Variants in TNFSF4 observed in about 807,000 individuals in gnomAD.
TNFSF4 encodes the protein tumor necrosis factor ligand superfamily member 4.
In TNFSF4, 4 loss-of-function variants were observed where a neutral mutation model predicts 7.3. The observed-to-expected ratio is 0.55, with a 90% confidence interval of 0.27 to 1.25. The LOEUF is 1.25. Ranked by LOEUF, TNFSF4 falls within the 50% of genes most tolerant of loss-of-function variation. The pLI is 0.12. For synonymous variants in TNFSF4, 76 were observed against 83.7 expected, an observed-to-expected ratio of 0.91 and a Z score of 0.50; for missense variants, 181 against 208.8, an observed-to-expected ratio of 0.87 and a Z score of 0.82.
chr1:173,217,853 G>A, the TNFSF4 span, among the ~76,000 whole-genome samples: 16 of 151,918 alleles, frequency 1.1e-4, no homozygotes, highest in Non-Finnish European at 1.6e-4. Flanking sequence ...GGGCTTAAGC[G>A]TCCTCCCACC....
At chr1:173,205,408 C>T in intron 1 of TNFSF4, 17 of 1,604,536 alleles carry the variant, frequency 1.1e-5, no homozygotes, top group Non-Finnish European at 1.4e-5. Context: ...AAAGGATCCC[C>T]TCTTTTTCTC....
At chr1:173,334,565 C>A in the TNFSF4 span, among the ~76,000 whole-genome samples, 2 of 152,130 alleles carry the variant, frequency 1.3e-5, no homozygotes, top group Non-Finnish European at 2.9e-5. Context: ...TGAATTACAA[C>A]ACAAGTTGAA....
chr1:173,400,765 A>T, the TNFSF4 span, among the ~76,000 whole-genome samples: 254 of 152,368 alleles, frequency 1.7e-3, 2 homozygotes, highest in South Asian at 0.013. Flanking sequence ...TGATTAGGTC[A>T]GTGGAAAACT....
At chr1:173,250,042 C>T in the TNFSF4 span, among the ~76,000 whole-genome samples, 3 of 152,102 alleles carry the variant, frequency 2.0e-5, no homozygotes, top group Non-Finnish European at 4.4e-5. Context: ...GTTCCTGAAC[C>T]TCTTAAATCT....
chr1:173,433,497 C>T, the TNFSF4 span, among the ~76,000 whole-genome samples: 1 of 151,798 alleles, frequency 6.6e-6, no homozygotes, highest in African/African-American at 2.4e-5. Context: ...GAGTTCCAAA[C>T]CAGCCTGGGC....
chr1:173,406,808 G>T, the TNFSF4 span, among the ~76,000 whole-genome samples: 1 of 152,144 alleles, frequency 6.6e-6, no homozygotes, highest in African/African-American at 2.4e-5. Flanking sequence ...GATCAAAGTA[G>T]CTGGGACCTG....
chr1:173,422,314 G>C, the TNFSF4 span, among the ~76,000 whole-genome samples: 1 of 132,458 alleles, frequency 7.5e-6, no homozygotes, highest in East Asian at 2.1e-4. Flanking sequence ...AAGGAATGGT[G>C]GTGCCCAGAG....
At chr1:173,356,323 G>T in the TNFSF4 span, among the ~76,000 whole-genome samples, 3 of 152,136 alleles carry the variant, frequency 2.0e-5, no homozygotes, top group Admixed American at 6.5e-5. Flanking sequence ...ATGAGAAGGG[G>T]TATTAGAATA....
At chr1:173,404,730 C>T in the TNFSF4 span, among the ~76,000 whole-genome samples, 1 of 151,746 alleles carries the variant, frequency 6.6e-6, no homozygotes, top group Non-Finnish European at 1.5e-5. Flanking sequence ...CTCCCAGGTT[C>T]AAGCAATTCT....
the TNFSF4 span, among the ~76,000 whole-genome samples, chr1:173,334,037 TATTA>T: frequency 1.3e-5 from 2 of 152,070 alleles, no homozygotes; most frequent in Non-Finnish European, 2.9e-5. Flanking sequence ...GCAAAATTTC[TATTA>T]ATTAATTAAT....
the TNFSF4 span, among the ~76,000 whole-genome samples, chr1:173,386,174 C>T: frequency 6.6e-6 from 1 of 152,188 alleles, no homozygotes; most frequent in African/African-American, 2.4e-5. Flanking sequence ...GGCCTTGGGG[C>T]TCATGCCCAG....
chr1:173,324,291 T>C, the TNFSF4 span, among the ~76,000 whole-genome samples: 4 of 152,110 alleles, frequency 2.6e-5, no homozygotes, highest in Non-Finnish European at 4.4e-5. Context: ...AGAAATAAAA[T>C]ACTTTACAGA....
chr1:173,227,291 T>A, the TNFSF4 span, among the ~76,000 whole-genome samples: 36 of 152,194 alleles, frequency 2.4e-4, no homozygotes, highest in Admixed American at 7.9e-4. Flanking sequence ...TTCCACCAAT[T>A]AAGCATTATA....
chr1:173,239,294 G>A, the TNFSF4 span, among the ~76,000 whole-genome samples: 2 of 152,082 alleles, frequency 1.3e-5, no homozygotes, highest in Non-Finnish European at 2.9e-5. Context: ...TGAACTTTCA[G>A]AAGGAAGCAA....
At chr1:173,331,030 G>A in the TNFSF4 span, among the ~76,000 whole-genome samples, 17 of 151,802 alleles carry the variant, frequency 1.1e-4, no homozygotes, top group South Asian at 3.3e-3. Flanking sequence ...GATTACAGGC[G>A]CCCACCACCA....
At chr1:173,248,494 A>AAGAAAGAAAG in the TNFSF4 span, among the ~76,000 whole-genome samples, 2 of 149,882 alleles carry the variant, frequency 1.3e-5, no homozygotes, top group Non-Finnish European at 3.0e-5. Context: ...GAAGGAAGGA[A>AAGAAAGAAAG]AGAAAGAAAG....
the TNFSF4 span, among the ~76,000 whole-genome samples, chr1:173,389,538 T>C: frequency 6.6e-6 from 1 of 152,078 alleles, no homozygotes; most frequent in African/African-American, 2.4e-5. Flanking sequence ...CATACACATA[T>C]ACAAAAACAT....
chr1:173,283,336 G>T, the TNFSF4 span, among the ~76,000 whole-genome samples: 1 of 152,106 alleles, frequency 6.6e-6, no homozygotes, highest in Non-Finnish European at 1.5e-5. Flanking sequence ...GAATCAATGG[G>T]CAACAAGCAA....
At chr1:173,237,965 A>G in the TNFSF4 span, among the ~76,000 whole-genome samples, 136 of 152,216 alleles carry the variant, frequency 8.9e-4, no homozygotes, top group Non-Finnish European at 1.3e-3. Context: ...TCCTAAACAA[A>G]AAGAACAAAG....
Sources: allele counts gnomAD v4.1 joint callset (sites outside exome capture counted in the v4.1 genomes callset), GRCh38; gene constraint gnomAD v4.1.1; transcripts MANE v1.5; gene names NCBI Gene and HGNC (gene_info 2026-07-23, HGNC 2026-07-21).